The following ANKRD42 variants were observed in gnomAD, a reference collection of about 807,000 sequenced individuals.
ANKRD42 encodes ankyrin repeat domain 42.
ANKRD42 carries 43 observed loss-of-function variants against 51.5 expected under a neutral mutation model. The ratio of observed to expected loss-of-function variants is 0.83; its 90% CI spans 0.65 to 1.08. The LOEUF is 1.08. Among genes scored for constraint, ANKRD42 ranks in the 50% least tolerant of loss-of-function variants. The pLI is 0.00. For synonymous variants in ANKRD42, 203 were observed against 213.0 expected, an observed-to-expected ratio of 0.95 and a Z score of 0.41; for missense variants, 608 against 629.3, an observed-to-expected ratio of 0.97 and a Z score of 0.36.
intron 3 of ANKRD42, among the ~76,000 whole-genome samples, chr11:83,207,705 A>G (rs1862130969): frequency 6.6e-6 from 1 of 152,262 alleles, no homozygotes; most frequent in Non-Finnish European, 1.5e-5. Flanking sequence ...AAACAAATTC[A>G]GAGTGTTAAG....
chr11:83,228,218 T>A, intron 7 of ANKRD42, among the ~76,000 whole-genome samples: 1 of 110,622 alleles, frequency 9.0e-6, no homozygotes, highest in African/African-American at 3.1e-5. Context: ...ATAGAAATCA[T>A]CCCTCTCTCT....
At chr11:83,208,760 G>A (rs368916595) in intron 3 of ANKRD42, among the ~76,000 whole-genome samples, 29 of 152,200 alleles carry the variant, frequency 1.9e-4, no homozygotes, top group East Asian at 7.7e-4. Context: ...TTTGGCATAC[G>A]TTGAGTTTAA....
At chr11:83,260,224 GTC>G (rs1442954038), downstream of ANKRD42, 1 of 152,144 alleles carries the variant, frequency 6.6e-6, no homozygotes, top group African/African-American at 2.4e-5. Flanking sequence ...ACTTGTTTAT[GTC>G]TCTCTCCTTA....
Position 83,247,986 on chromosome 11 carries a change from C to T in ANKRD42, c.1366C>T (p.Arg456Cys), listed in dbSNP as rs370536747. 1.9e-5 allele frequency: 30 copies of T among 1,613,598 alleles called. No homozygotes were observed. In the South Asian group the frequency reaches 2.4e-4, roughly 13 times the overall value. ...LQGQLEYERL[R>C]REKLECQLDE... The stretch of plus-strand genomic sequence containing the variant: ...GGGCCAGCTGGAGTATGAACGACTA[C>T]GTAGAGAAAAATTAGAATGTCAGCT... Residue 456 changes from arginine to cysteine, a missense_variant, in exon 11 of 11, where the codon CGT becomes TGT. Arg to Cys is a radical substitution (Grantham distance 180). Coordinates refer to ENST00000533342, the MANE Select transcript of ANKRD42 (RefSeq NM_001300975.2).
intron 10 of ANKRD42, among the ~76,000 whole-genome samples, chr11:83,246,846 TAAGG>T (rs2135558609): frequency 6.6e-6 from 1 of 152,286 alleles, no homozygotes; most frequent in East Asian, 1.9e-4. Flanking sequence ...AAAAATAATA[TAAGG>T]ATTAATGTGT....
Position 83,236,473 on chromosome 11 carries a change from A to C in ANKRD42, c.983A>C (p.Asn328Thr), listed in dbSNP as rs769750780. 2 of 1,612,010 alleles carry C rather than the reference A, an allele frequency of 1.2e-6. No individual in the cohort carries two copies. Among genetic ancestry groups the C allele is most frequent in the Admixed American group, 1.7e-5 (1 of 59,716 alleles). ...IKMGADSNITNKAGERPSDVA... is the reference protein window; with the variant it reads ...IKMGADSNITTKAGERPSDVA... ...ATGGGAGCAGACAGTAATATTACCA[A>C]CAAAGCAGGGGAGAGACCCAGTGAT... Residue 328 changes from asparagine to threonine, a missense_variant, in exon 8 of 11, where the codon AAC (asparagine) becomes ACC (threonine). Asn to Thr is a moderately conservative substitution (Grantham distance 65). Coordinates refer to ENST00000533342, the MANE Select transcript of ANKRD42 (RefSeq NM_001300975.2).
In ANKRD42 at chr11:83,194,294, A is replaced by T; in HGVS notation, c.-377A>T. On this transcript the variant is annotated 5_prime_UTR_variant, in exon 1 of 11. Transcript: ENST00000533342. ...GACCCGCGAACTAGTGACTTCGGGGATAGAGTCAGTGACGATCGCAGTCGC... is the reference window on the plus strand; with the variant it reads ...GACCCGCGAACTAGTGACTTCGGGGTTAGAGTCAGTGACGATCGCAGTCGC... The T allele has an allele frequency of 2.0e-6, 1 of 489,890 alleles. No homozygotes were observed. Among genetic ancestry groups the T allele is most frequent in the Non-Finnish European group, 4.0e-6 (1 of 249,488 alleles). 30.3% of individuals were successfully genotyped at this position (489,890 alleles called of 1,614,324 possible). A position where few individuals can be genotyped will look rare whatever the true frequency, so the allele number is the denominator to read the frequency against.
At chr11:83,239,575 A>G (rs1280024974) in intron 8 of ANKRD42, among the ~76,000 whole-genome samples, 1 of 152,196 alleles carries the variant, frequency 6.6e-6, no homozygotes, top group Non-Finnish European at 1.5e-5. Flanking sequence ...TGTATATGAT[A>G]TGAAGTATGA....
chr11:83,197,342 A>T (rs1861698646), intron 1 of ANKRD42, among the ~76,000 whole-genome samples: 1 of 152,234 alleles, frequency 6.6e-6, no homozygotes, highest in Non-Finnish European at 1.5e-5. Context: ...CTATCATGTT[A>T]TCATAGTGCC....
chr11:83,231,353 T>C (rs1293478181), intron 7 of ANKRD42, among the ~76,000 whole-genome samples: 2 of 152,262 alleles, frequency 1.3e-5, no homozygotes, highest in Non-Finnish European at 2.9e-5. Flanking sequence ...GCCATTTGTA[T>C]GTCTTCTTTT....
downstream of ANKRD42, chr11:83,257,455 T>C (rs961718817): frequency 5.3e-6 from 2 of 380,728 alleles, no homozygotes; most frequent in Admixed American, 6.8e-5. Flanking sequence ...TGTTTTTTGG[T>C]CAGCAAAGCA....
At chr11:83,219,536 T>C (rs942690828) in intron 5 of ANKRD42, among the ~76,000 whole-genome samples, 2 of 152,178 alleles carry the variant, frequency 1.3e-5, no homozygotes, top group African/African-American at 4.8e-5. Flanking sequence ...AGAGAACAGC[T>C]GCTGTACTTT....
intron 1 of ANKRD42, among the ~76,000 whole-genome samples, chr11:83,195,861 T>C (rs1356015234): frequency 6.6e-6 from 1 of 151,068 alleles, no homozygotes; most frequent in East Asian, 1.9e-4. Flanking sequence ...TTTTTTTTTT[T>C]GGAGACGGAG....
At position 83,225,072 on chromosome 11, in the gene ANKRD42, T is replaced by C. The variant is rs563646944; in HGVS notation, c.787+17T>C. ...ATCAGGAAAGTAAGTAATTAAGTTA[T>C]ATGTTCTAGCATATAATGTGATGAT... On this transcript the variant is annotated intron_variant, in intron 6 of 10. Coordinates refer to ENST00000533342, the MANE Select transcript of ANKRD42 (RefSeq NM_001300975.2). 2 of 1,596,944 alleles carry C rather than the reference T, an allele frequency of 1.3e-6. No homozygotes were observed. Among genetic ancestry groups the C allele is most frequent in the Admixed American group, 1.7e-5 (1 of 59,694 alleles).
intron 5 of ANKRD42, among the ~76,000 whole-genome samples, chr11:83,216,616 G>A (rs919460716): frequency 2.0e-5 from 3 of 152,148 alleles, no homozygotes; most frequent in South Asian, 4.1e-4. Context: ...GAGCCACCGC[G>A]CCCGGCCCCT....
downstream of ANKRD42, among the ~76,000 whole-genome samples, chr11:83,253,916 T>C (rs1235777810): frequency 1.3e-5 from 2 of 152,116 alleles, no homozygotes; most frequent in African/African-American, 4.8e-5. Flanking sequence ...TTTGGAAAAT[T>C]TGGAATCCTC....
Position 83,245,535 on chromosome 11 carries a change from C to T in ANKRD42, c.1233C>T (p.Leu411=), listed in dbSNP as rs199663105. The T allele has an allele frequency of 1.1e-3, 1,669 of 1,536,486 alleles. 8 individuals carry two copies. The highest frequency in any genetic ancestry group is 7.8e-3 in the South Asian group (654 of 84,044). The part of the protein sequence containing the change: ...AYKKIVELRH[L]LEIAESNYKH... ...AGAAAATTGTAGAATTGAGACACCT[C>T]CTGGAAATTGCCGAGAGCAACTATA... Residue 411 remains leucine (L), a synonymous_variant, in exon 10 of 11, where the codon CTC becomes CTT. Transcript: ENST00000533342.
Position 83,245,371 on chromosome 11 carries a change from T to A in ANKRD42, c.1196-127T>A, listed in dbSNP as rs1863512101. ...CCTTCTTTGTATATACCAACCTTCCTCCACCCCCCTCTCCAAACCATACAG... is the reference window on the plus strand; with the variant it reads ...CCTTCTTTGTATATACCAACCTTCCACCACCCCCCTCTCCAAACCATACAG... On this transcript the variant is annotated intron_variant, in intron 9 of 10. Coordinates refer to ENST00000533342, the MANE Select transcript of ANKRD42 (RefSeq NM_001300975.2). 36 of 993,092 alleles carry A rather than the reference T, an allele frequency of 3.6e-5. No individual in the cohort carries two copies. The South Asian group carries it at 6.1e-4, about 17-fold the overall frequency. The allele number at this position is 993,092 out of a possible 1,614,324, so 61.5% of individuals were successfully genotyped here. A position where few individuals can be genotyped will look rare whatever the true frequency, so the allele number is the denominator to read the frequency against.
At chr11:83,205,760 C>T (rs576586512) in intron 2 of ANKRD42, among the ~76,000 whole-genome samples, 91 of 152,274 alleles carry the variant, frequency 6.0e-4, no homozygotes, top group African/African-American at 2.1e-3. Context: ...AGAATATTTA[C>T]AAACATTGGA....
Sources: gnomAD v4.1 joint callset for allele counts (sites outside exome capture counted in the v4.1 genomes callset) on GRCh38, gnomAD v4.1.1 for gene constraint, MANE v1.5 for transcripts, NCBI Gene and HGNC (gene_info 2026-07-23, HGNC 2026-07-21) for gene names.